MGAT4A: variants seen among roughly 807,000 people sequenced by gnomAD.
MGAT4A encodes N-acetylglucosaminyltransferase IVa.
A neutral mutation model predicts 74.1 loss-of-function variants in MGAT4A; 33 were observed. That is an observed-to-expected ratio of 0.45 (90% CI 0.34 to 0.60). MGAT4A has a LOEUF of 0.60. Ranked by LOEUF, MGAT4A falls within the 20% of genes least tolerant of loss-of-function variation. MGAT4A has a pLI of 0.02. For synonymous variants in MGAT4A, 198 were observed against 210.4 expected (o/e 0.94, Z 0.51); for missense variants, 479 against 628.3 (o/e 0.76, Z 2.54).
chr2:98,649,697 A>G (rs1050379168), intron 8 of MGAT4A, among the ~76,000 whole-genome samples: 2 of 151,966 alleles, frequency 1.3e-5, no homozygotes, highest in Non-Finnish European at 2.9e-5. Flanking sequence ...GTCAACTTCA[A>G]TTAGGAGATT....
intron 8 of MGAT4A, among the ~76,000 whole-genome samples, chr2:98,653,108 A>G (rs1701605300): frequency 1.0e-5 from 1 of 98,022 alleles, no homozygotes; most frequent in African/African-American, 6.4e-5. Context: ...AAAAATCCAG[A>G]AACAAACGAA....
intron 2 of MGAT4A, among the ~76,000 whole-genome samples, chr2:98,721,412 A>ATTTAAAAAG (rs1254454439): frequency 6.6e-6 from 1 of 151,196 alleles, no homozygotes; most frequent in Non-Finnish European, 1.5e-5. Flanking sequence ...TCTGTTAACG[A>ATTTAAAAAG]TTTAAAAAGT....
At chr2:98,662,732 T>C (rs1380618355) in intron 5 of MGAT4A, among the ~76,000 whole-genome samples, 1 of 152,148 alleles carries the variant, frequency 6.6e-6, no homozygotes, top group Non-Finnish European at 1.5e-5. Context: ...TAAACCTTTT[T>C]CAGGTTTCAG....
At chr2:98,673,331 G>A (rs1308356926) in intron 4 of MGAT4A, among the ~76,000 whole-genome samples, 1 of 152,074 alleles carries the variant, frequency 6.6e-6, no homozygotes, top group African/African-American at 2.4e-5. Flanking sequence ...TGAAGCCCTA[G>A]ATAAGTTCTG....
intron 9 of MGAT4A, 142 bp from the exon 10 acceptor site, chr2:98,644,195 T>C (rs1405078135): frequency 1.1e-6 from 1 of 876,138 alleles, no homozygotes; most frequent in African/African-American, 1.7e-5. Flanking sequence ...CCCACTTGTA[T>C]TATCAAAATT....
chr2:98,702,933 C>T (rs1268574971), intron 2 of MGAT4A, among the ~76,000 whole-genome samples: 1 of 152,176 alleles, frequency 6.6e-6, no homozygotes, highest in Non-Finnish European at 1.5e-5. Flanking sequence ...GAATCCAGAA[C>T]TGCATCAATA....
At chr2:98,656,494 T>TC in intron 6 of MGAT4A, 29 bp from the exon 7 acceptor site, 1 of 1,449,822 alleles carries the variant, frequency 6.9e-7, no homozygotes, top group African/African-American at 1.4e-5. Flanking sequence ...CTGAGTTACT[T>TC]AAGTTCTGTG....
At position 98,711,691 on chromosome 2, in the gene MGAT4A, G is replaced by A. The variant is rs1309434398; in HGVS notation, c.94+14548C>T. On this transcript the variant is annotated intron_variant, in intron 2 of 15. Transcript: ENST00000393487. The stretch of plus-strand genomic sequence containing the variant: ...GTGTTCACACGTGCATAAGTACCAC[G>A]TTAGCCTCAATCATGGCTCACTGCA... Among the ~76,000 whole-genome samples, 7 of 152,110 alleles carry A rather than the reference G, an allele frequency of 4.6e-5. No homozygotes were observed. The East Asian group carries it at 7.7e-4, about 17-fold the overall frequency.
chr2:98,710,753 T>C (rs187248600), intron 2 of MGAT4A, among the ~76,000 whole-genome samples: 1 of 152,308 alleles, frequency 6.6e-6, no homozygotes, highest in Non-Finnish European at 1.5e-5. Flanking sequence ...TGAGCTACTG[T>C]GCCCAGTAAT....
intron 4 of MGAT4A, among the ~76,000 whole-genome samples, chr2:98,667,917 A>G (rs1035374033): frequency 2.0e-5 from 3 of 152,030 alleles, no homozygotes; most frequent in Non-Finnish European, 2.9e-5. Context: ...ACAGGGTTTC[A>G]CCATGTTGGT....
At chr2:98,703,341 C>T (rs1289563663) in intron 2 of MGAT4A, among the ~76,000 whole-genome samples, 2 of 151,892 alleles carry the variant, frequency 1.3e-5, no homozygotes, top group East Asian at 1.9e-4. Context: ...TAGAAATTAT[C>T]GAGTCTGAAG....
rs1007605788 is a variant in MGAT4A, at chr2:98,665,154, C to G, written c.404-1975G>C. On this transcript the variant is annotated intron_variant, in intron 4 of 15. Coordinates refer to ENST00000393487, the MANE Select transcript of MGAT4A (RefSeq NM_012214.3). The stretch of plus-strand genomic sequence containing the variant: ...ACCATCCTGGCTAACACGGTGAAAC[C>G]CTGTCTCTACTAAAAATACAAAAAA... 6.6e-5 allele frequency among the ~76,000 whole-genome samples: 10 copies of G among 151,788 alleles called. 1 individual carries two copies. The highest frequency in any genetic ancestry group is 6.2e-4 in the South Asian group (3 of 4,816).
chr2:98,627,064 A>G (rs920637270), intron 14 of MGAT4A, among the ~76,000 whole-genome samples: 16 of 152,336 alleles, frequency 1.1e-4, no homozygotes, highest in African/African-American at 3.8e-4. Flanking sequence ...AAGTTCCTCA[A>G]TTAAATGGAT....
At chr2:98,643,894 C>T (rs1437944448) in intron 10 of MGAT4A, 29 bp downstream of exon 10, 38 of 1,470,324 alleles carry the variant, frequency 2.6e-5, no homozygotes, top group East Asian at 4.8e-5. Flanking sequence ...AAGTGAAACT[C>T]CCTCCACTCT....
chr2:98,698,498 T>A (rs1339426194), intron 2 of MGAT4A, among the ~76,000 whole-genome samples: 1 of 152,184 alleles, frequency 6.6e-6, no homozygotes, highest in African/African-American at 2.4e-5. Flanking sequence ...ATTAATCCTC[T>A]CTTCTTTACA....
At chr2:98,653,649 A>G (rs1046588597) in intron 8 of MGAT4A, among the ~76,000 whole-genome samples, 2 of 152,198 alleles carry the variant, frequency 1.3e-5, no homozygotes, top group Non-Finnish European at 2.9e-5. Context: ...GAACACACTT[A>G]TAATAACTAA....
chr2:98,724,099 G>C (rs1702726043), intron 2 of MGAT4A, among the ~76,000 whole-genome samples: 1 of 152,086 alleles, frequency 6.6e-6, no homozygotes, highest in African/African-American at 2.4e-5. Context: ...ACCAGTCCCT[G>C]AGCTGCTCAA....
At chr2:98,718,735 T>C (rs1702623158) in intron 2 of MGAT4A, among the ~76,000 whole-genome samples, 2 of 152,188 alleles carry the variant, frequency 1.3e-5, no homozygotes, top group Admixed American at 6.5e-5. Flanking sequence ...GGGGCTCTCT[T>C]ACTCTACCCA....
intron 2 of MGAT4A, among the ~76,000 whole-genome samples, chr2:98,696,881 G>A (rs56354279): frequency 0.24 from 36,238 of 152,110 alleles, 5,113 homozygotes; most frequent in Non-Finnish European, 0.32. Context: ...ACTTTCTAAG[G>A]TTTATTGATA....
Sources: allele counts gnomAD v4.1 joint callset (sites outside exome capture counted in the v4.1 genomes callset), GRCh38; gene constraint gnomAD v4.1.1; transcripts MANE v1.5; gene names NCBI Gene and HGNC (gene_info 2026-07-23, HGNC 2026-07-21).